RIMS2: variants seen among roughly 807,000 people sequenced by gnomAD.
RIMS2 encodes the protein regulating synaptic membrane exocytosis protein 2.
RIMS2 carries 59 observed loss-of-function variants against 174.4 expected under a neutral mutation model. The observed-to-expected ratio is 0.34, with a 90% CI of 0.27 to 0.42. The LOEUF (loss-of-function observed/expected upper bound fraction) is 0.42. Among genes scored for constraint, RIMS2 ranks in the 10% least tolerant of loss-of-function variants. The probability of loss-of-function intolerance (pLI) is 1.00; values close to 1 mark genes in which losing one functional copy is unlikely to be tolerated. For missense variants in RIMS2, 1,620 were observed against 1,666.3 expected, an observed-to-expected ratio of 0.97 and a Z score of 0.48; for synonymous variants, 606 against 572.5, an observed-to-expected ratio of 1.06 and a Z score of -0.84.
At chr8:103,981,297 T>C (rs571167733) in intron 16 of RIMS2, among the ~76,000 whole-genome samples, 4 of 152,090 alleles carry the variant, frequency 2.6e-5, no homozygotes, top group Non-Finnish European at 5.9e-5. Flanking sequence ...TCTCTGGTGA[T>C]CCAGAGAATT....
At chr8:103,629,282 A>G (rs76748895) in intron 1 of RIMS2, among the ~76,000 whole-genome samples, 9,899 of 152,300 alleles carry the variant, frequency 0.065, 398 homozygotes, top group South Asian at 0.087. Context: ...AAGAATTTTT[A>G]TAATCTGCAT....
At chr8:103,991,447 A>C (rs1194239852) in intron 17 of RIMS2, among the ~76,000 whole-genome samples, 1 of 151,964 alleles carries the variant, frequency 6.6e-6, no homozygotes, top group Non-Finnish European at 1.5e-5. Context: ...TGTCACATTA[A>C]GCAACAAATT....
At chr8:104,023,588 A>G (rs1404756690) in intron 19 of RIMS2, among the ~76,000 whole-genome samples, 1 of 152,236 alleles carries the variant, frequency 6.6e-6, no homozygotes, top group Admixed American at 6.5e-5. Context: ...GAAATACTTG[A>G]GAATAATAGG....
chr8:104,105,339 A>G (rs1375727570), intron 19 of RIMS2, among the ~76,000 whole-genome samples: 1 of 152,164 alleles, frequency 6.6e-6, no homozygotes, highest in Non-Finnish European at 1.5e-5. Context: ...AGGAAGAAGG[A>G]TAAGTATTTG....
At chr8:103,549,515 C>A (rs1035435847) in intron 1 of RIMS2, among the ~76,000 whole-genome samples, 1 of 152,194 alleles carries the variant, frequency 6.6e-6, no homozygotes, top group Non-Finnish European at 1.5e-5. Context: ...ACTGCAAAAA[C>A]ATGCCAAATT....
chr8:104,187,159 A>G, intron 19 of RIMS2, among the ~76,000 whole-genome samples: 1 of 151,764 alleles, frequency 6.6e-6, no homozygotes, highest in East Asian at 1.9e-4. Context: ...TGCAAAAGTC[A>G]TTGTATGGTT....
At chr8:104,057,363 C>T (rs899223403) in intron 19 of RIMS2, among the ~76,000 whole-genome samples, 1 of 152,018 alleles carries the variant, frequency 6.6e-6, no homozygotes, top group Non-Finnish European at 1.5e-5. Flanking sequence ...CCATCTCACA[C>T]GGCTATATCC....
intron 1 of RIMS2, among the ~76,000 whole-genome samples, chr8:103,578,816 A>ACATGGTGAAAAC (rs55776346): frequency 0.38 from 57,083 of 151,636 alleles, 11,078 homozygotes; most frequent in African/African-American, 0.4. Context: ...AGCCTGGCCA[A>ACATGGTGAAAAC]CTGTTTCTAC....
At chr8:103,551,488 A>G (rs570738666) in intron 1 of RIMS2, among the ~76,000 whole-genome samples, 75 of 152,224 alleles carry the variant, frequency 4.9e-4, no homozygotes, top group Non-Finnish European at 9.1e-4. Flanking sequence ...CTCACAGCCA[A>G]TATCATACTG....
In RIMS2 at chr8:103,543,389, C is replaced by T. The variant is rs570285291; in HGVS notation, c.176+42327C>T. ...GACACAAATAAATGGATAGATATAT[C>T]GTTAATGAATTAGAAGAATTAATAT... On this transcript the variant is annotated intron_variant, in intron 1 of 23. Transcript: ENST00000504942. Among the ~76,000 whole-genome samples the T allele has an allele frequency of 1.2e-4, 18 of 152,154 alleles. No individual in the cohort carries two copies. In the South Asian group the frequency reaches 1.5e-3, roughly 12 times the overall value.
chr8:103,830,183 T>C (rs1593303147), intron 3 of RIMS2, among the ~76,000 whole-genome samples: 1 of 152,162 alleles, frequency 6.6e-6, no homozygotes, highest in East Asian at 1.9e-4. Context: ...CTTTTTCTTT[T>C]GATTTTGTTA....
At chr8:104,170,279 C>T (rs2098824449) in intron 19 of RIMS2, among the ~76,000 whole-genome samples, 2 of 151,948 alleles carry the variant, frequency 1.3e-5, no homozygotes, top group South Asian at 4.1e-4. Flanking sequence ...GGAGTGACCG[C>T]CTATTATTGT....
intron 1 of RIMS2, among the ~76,000 whole-genome samples, chr8:103,580,776 A>C (rs1040505848): frequency 2.6e-5 from 4 of 151,604 alleles, no homozygotes; most frequent in Admixed American, 2.0e-4. Context: ...AGATGAACTA[A>C]TACCATGTCT....
At chr8:103,885,201 GACT>G in intron 3 of RIMS2, 94 bp from the exon 7 acceptor site, 7 of 1,433,678 alleles carry the variant, frequency 4.9e-6, no homozygotes, top group Non-Finnish European at 6.4e-6. Context: ...AAGGCAAAAG[GACT>G]ACTTAGTTAT....
intron 19 of RIMS2, among the ~76,000 whole-genome samples, chr8:104,066,843 ATATAG>A (rs1421842152): frequency 2.0e-5 from 3 of 152,116 alleles, no homozygotes; most frequent in Admixed American, 6.6e-5. Context: ...TTTAGAGGTA[ATATAG>A]TATAAGTTTT....
At chr8:103,879,261 C>T (rs1436243106) in intron 3 of RIMS2, among the ~76,000 whole-genome samples, 1 of 150,864 alleles carries the variant, frequency 6.6e-6, no homozygotes, top group Non-Finnish European at 1.5e-5. Context: ...GGCATTGGCA[C>T]CAGAGTGTGC....
Position 103,716,301 on chromosome 8 carries a change from C to A in RIMS2, c.387+19005C>A. On this transcript the variant is annotated intron_variant, in intron 2 of 23. Transcript: ENST00000504942. ...TTTCTAACTTGCTTTCGTGGATATT[C>A]ACTCCAGGAGGACAAAGTGGTTAGA... The A allele has an allele frequency of 6.6e-6, 1 of 152,026 alleles. No homozygotes were observed. The highest frequency in any genetic ancestry group is 1.9e-4 in the East Asian group (1 of 5,182). The allele number at this position is 152,026 out of a possible 1,614,324, so 9.4% of individuals were successfully genotyped here.
chr8:103,575,889 A>G (rs762600611), intron 1 of RIMS2, among the ~76,000 whole-genome samples: 35 of 152,116 alleles, frequency 2.3e-4, no homozygotes, highest in Admixed American at 3.3e-4. Context: ...TACAGTTTCT[A>G]CACTGGAAAA....
intron 1 of RIMS2, among the ~76,000 whole-genome samples, chr8:103,536,883 G>A (rs1454867307): frequency 2.0e-5 from 3 of 152,106 alleles, no homozygotes; most frequent in Non-Finnish European, 4.4e-5. Context: ...GTCTATTTTT[G>A]GATTGTAAAT....
Sources: gnomAD v4.1 joint callset for allele counts (sites outside exome capture counted in the v4.1 genomes callset) on GRCh38, gnomAD v4.1.1 for gene constraint, MANE v1.5 for transcripts, NCBI Gene and HGNC (gene_info 2026-07-23, HGNC 2026-07-21) for gene names.